The following RC3H1 variants were observed in gnomAD, a reference collection of about 807,000 sequenced individuals.
RC3H1 encodes the protein ring finger and CCCH-type domains 1.
Under a neutral mutation model 138.2 loss-of-function variants are expected in RC3H1, and 50 were observed. The ratio of observed to expected loss-of-function variants is 0.36; its 90% CI spans 0.29 to 0.46. RC3H1 has a LOEUF of 0.46. RC3H1 is among the 20% of genes least tolerant of loss of function. RC3H1 has a pLI of 1.00. For synonymous variants in RC3H1, 462 were observed against 489.1 expected, an observed-to-expected ratio of 0.94 and a Z score of 0.73; for missense variants, 1,031 against 1,388.1, an observed-to-expected ratio of 0.74 and a Z score of 4.09.
chr1:173,940,637 T>C (rs1479976261), intron 19 of RC3H1, among the ~76,000 whole-genome samples: 3 of 132,678 alleles, frequency 2.3e-5, no homozygotes, highest in African/African-American at 8.2e-5. Context: ...ACTTTATTTT[T>C]TGTTTTTTCT....
chr1:173,986,183 G>A (rs1361578804), intron 2 of RC3H1, among the ~76,000 whole-genome samples: 1 of 151,878 alleles, frequency 6.6e-6, no homozygotes, highest in Non-Finnish European at 1.5e-5. Flanking sequence ...CACCACACTC[G>A]ACTAACAATT....
intron 17 of RC3H1, 76 bp downstream of exon 17, chr1:173,946,395 TCACAG>T: frequency 7.3e-7 from 1 of 1,370,778 alleles, no homozygotes; most frequent in Non-Finnish European, 1.0e-6. Context: ...AGTTTTTTGT[TCACAG>T]TGCCTCAAAA....
At chr1:173,986,979 C>T (rs903496093) in intron 2 of RC3H1, among the ~76,000 whole-genome samples, 5 of 152,158 alleles carry the variant, frequency 3.3e-5, no homozygotes, top group African/African-American at 7.2e-5. Flanking sequence ...TGCCCCTAAA[C>T]TGGGATCTAG....
chr1:174,007,744 C>T (rs1661679999), intron 1 of RC3H1, among the ~76,000 whole-genome samples: 1 of 152,166 alleles, frequency 6.6e-6, no homozygotes, highest in African/African-American at 2.4e-5. Context: ...AGGTGTGAGC[C>T]ACCGCGTCCG....
chr1:174,016,357 G>T (rs935196576), intron 1 of RC3H1, among the ~76,000 whole-genome samples: 3 of 149,068 alleles, frequency 2.0e-5, no homozygotes, highest in Non-Finnish European at 3.0e-5. Flanking sequence ...CAGAAAACCA[G>T]AAATTTTACT....
At chr1:173,942,649 G>A (rs537790841) in intron 18 of RC3H1, among the ~76,000 whole-genome samples, 328 of 151,688 alleles carry the variant, frequency 2.2e-3, no homozygotes, top group Non-Finnish European at 2.7e-3. Flanking sequence ...TGGCTAACAC[G>A]GTGAAACCCC....
Position 173,983,608 on chromosome 1 carries a change from C to T in RC3H1, c.402G>A (p.Gln134=), listed in dbSNP as rs760939409. 1.7e-5 allele frequency: 28 copies of T among 1,614,058 alleles called. No individual in the cohort carries two copies. The highest frequency in any genetic ancestry group is 2.3e-5 in the Non-Finnish European group (27 of 1,180,020). Residue 134 remains glutamine (Q), a synonymous_variant, in exon 4 of 20, where the codon CAG becomes CAA. Transcript: ENST00000367696. ...TTQSVLSRPM[Q]RKLVTLVHCQ... is the part of the protein sequence containing the mutation. ...AGTGGACTAGAGTCACAAGCTTCCT[C>T]TGCATTGGGCGACTCAGAACACTCT...
intron 1 of RC3H1, among the ~76,000 whole-genome samples, chr1:174,011,419 A>G (rs1207657671): frequency 1.3e-5 from 2 of 152,174 alleles, no homozygotes; most frequent in Admixed American, 1.3e-4. Flanking sequence ...TAATGTAAAA[A>G]TTGACATATA....
chr1:173,987,509 T>C (rs925047006), intron 2 of RC3H1, among the ~76,000 whole-genome samples: 1 of 152,230 alleles, frequency 6.6e-6, no homozygotes, highest in Non-Finnish European at 1.5e-5. Context: ...AATACTTCTC[T>C]ATACTTTCCA....
rs1658367409 is a variant in RC3H1, at chr1:173,931,225, T to G, written c.*7496A>C. 6.6e-6 allele frequency: 1 copy of G among 152,188 alleles called. No individual in the cohort carries two copies. The highest frequency in any genetic ancestry group is 1.5e-5 in the Non-Finnish European group (1 of 68,030). 9.4% of individuals were successfully genotyped at this position (152,188 alleles called of 1,614,324 possible). A position where few individuals can be genotyped will look rare whatever the true frequency, so the allele number is the denominator to read the frequency against. On this transcript the variant is annotated 3_prime_UTR_variant, in exon 20 of 20. Transcript: ENST00000367696. ...ACAAAATACACACGTTCCTCATTAA[T>G]TTATCATTTAATATAAATGCTGACA...
At chr1:173,970,960 C>CT (rs373953604) in intron 8 of RC3H1, among the ~76,000 whole-genome samples, 14,140 of 132,568 alleles carry the variant, frequency 0.11, 963 homozygotes, top group East Asian at 0.31. Context: ...CTCATTTCCA[C>CT]TTTTTTTTTT....
At chr1:173,956,997 T>C (rs947210593) in intron 13 of RC3H1, among the ~76,000 whole-genome samples, 1 of 151,892 alleles carries the variant, frequency 6.6e-6, no homozygotes, top group Non-Finnish European at 1.5e-5. Context: ...CACTGCAACC[T>C]CCGCCTGCTG....
chr1:173,931,706 G>T lies in RC3H1; in HGVS notation c.*7015C>A, dbSNP rs1302032818. Reference sequence around the variant, plus strand: ...TTTCCTACTCCAAAAGAACTCTCAGGAGATAAGGTCTTCAAATAAGACTTC... The same window carrying T: ...TTTCCTACTCCAAAAGAACTCTCAGTAGATAAGGTCTTCAAATAAGACTTC... On this transcript the variant is annotated 3_prime_UTR_variant, in exon 20 of 20. Transcript: ENST00000367696. The T allele has an allele frequency of 6.6e-6, 1 of 152,136 alleles. No homozygotes were observed. The highest frequency in any genetic ancestry group is 2.1e-4 in the South Asian group (1 of 4,826). The allele number at this position is 152,136 out of a possible 1,614,324, so 9.4% of individuals were successfully genotyped here.
chr1:173,951,409 G>A (rs995477174), intron 14 of RC3H1, among the ~76,000 whole-genome samples: 1 of 151,996 alleles, frequency 6.6e-6, no homozygotes, highest in Non-Finnish European at 1.5e-5. Context: ...TTTCACTAAA[G>A]AATAAAATAA....
At chr1:173,972,460 A>T in intron 8 of RC3H1, 49 bp downstream of exon 8, 1 of 1,291,726 alleles carries the variant, frequency 7.7e-7, no homozygotes, top group Non-Finnish European at 1.1e-6. Flanking sequence ...CTATAGTTTT[A>T]AGGCATATCC....
intron 13 of RC3H1, 136 bp downstream of exon 13, chr1:173,960,941 A>T: frequency 1.3e-6 from 1 of 763,750 alleles, no homozygotes; most frequent in Non-Finnish European, 2.1e-6. Flanking sequence ...GATGGATTGT[A>T]GAGTTAAATG....
rs1031746641 is a variant in RC3H1, at chr1:173,931,173, T to C, written c.*7548A>G. On this transcript the variant is annotated 3_prime_UTR_variant, in exon 20 of 20. Coordinates refer to ENST00000367696, the MANE Select transcript of RC3H1 (RefSeq NM_172071.4). ...AACGTGTAAGAAAGTAATCTCAAGATTAGAATAAGATGGCACACACTCATT... is the reference window on the plus strand; with the variant it reads ...AACGTGTAAGAAAGTAATCTCAAGACTAGAATAAGATGGCACACACTCATT... 1 of 152,192 alleles carries C rather than the reference T, an allele frequency of 6.6e-6. No individual in the cohort carries two copies. The highest frequency in any genetic ancestry group is 1.5e-5 in the Non-Finnish European group (1 of 68,030). 9.4% of individuals were successfully genotyped at this position (152,192 alleles called of 1,614,324 possible). A position where few individuals can be genotyped will look rare whatever the true frequency, so the allele number is the denominator to read the frequency against.
At chr1:173,966,236 A>G (rs1161953065) in intron 9 of RC3H1, among the ~76,000 whole-genome samples, 1 of 152,210 alleles carries the variant, frequency 6.6e-6, no homozygotes, top group East Asian at 1.9e-4. Context: ...AAGTTATTTT[A>G]AAAGTAGGTT....
rs753225902 is a variant in RC3H1 at position 173,964,904 on chromosome 1, A to G, written c.1551T>C (p.Asp517=). The change falls in exon 10 of 20, where the codon GAT becomes GAC. Residue 517 remains aspartate (D), a synonymous_variant. Transcript: ENST00000367696. Reference sequence around the variant, plus strand: ...CTATTTTTCCTGGTTTCAGACTAGAATCATAGCTGGGGTCTGTCCCTCGCG... The same window carrying G: ...CTATTTTTCCTGGTTTCAGACTAGAGTCATAGCTGGGGTCTGTCCCTCGCG... The part of the protein sequence containing the change: ...LIPRGTDPSY[D]SSLKPGKIDH... 2 of 1,614,176 alleles carry G rather than the reference A, an allele frequency of 1.2e-6. No individual in the cohort carries two copies. The highest frequency in any genetic ancestry group is 2.2e-5 in the South Asian group (2 of 91,080).
Sources: allele counts gnomAD v4.1 joint callset (sites outside exome capture counted in the v4.1 genomes callset), GRCh38; gene constraint gnomAD v4.1.1; transcripts MANE v1.5; gene names NCBI Gene and HGNC (gene_info 2026-07-23, HGNC 2026-07-21).